The following MSRB2 variants were observed in gnomAD, a reference collection of about 807,000 sequenced individuals.
MSRB2 encodes methionine-R-sulfoxide reductase B2, mitochondrial.
In MSRB2, 17 loss-of-function variants were observed where a neutral mutation model predicts 19.0. The observed-to-expected ratio is 0.89, with a 90% CI of 0.61 to 1.34. MSRB2 has a LOEUF of 1.34. Ranked by LOEUF, MSRB2 falls within the 40% of genes most tolerant of loss-of-function variation. The pLI, the probability that MSRB2 is intolerant of heterozygous loss-of-function variation, is 0.00. For synonymous variants in MSRB2, 107 were observed against 99.7 expected (o/e 1.07, Z -0.44); for missense variants, 208 against 237.6 (o/e 0.88, Z 0.82).
intron 3 of MSRB2, among the ~76,000 whole-genome samples, chr10:23,116,446 C>A: frequency 6.6e-6 from 1 of 152,146 alleles, no homozygotes; most frequent in East Asian, 1.9e-4. Context: ...ATGGTCCTGA[C>A]ATACACATAT....
Position 23,095,635 on chromosome 10 carries a change from G to C in MSRB2, c.27G>C (p.Arg9=). The C allele has an allele frequency of 6.8e-7, 1 of 1,464,592 alleles. No homozygotes were observed. The highest frequency in any genetic ancestry group is 9.0e-7 in the Non-Finnish European group (1 of 1,114,478). The allele number at this position is 1,464,592 out of a possible 1,614,324, so 90.7% of individuals were successfully genotyped here. Residue 9 remains arginine (R), a synonymous_variant, in exon 1 of 5, where the codon CGG becomes CGC. Transcript: ENST00000376510. The stretch of plus-strand genomic sequence containing the variant: ...TGGCGCGGCTCCTCTGGTTGCTCCG[G>C]GGCCTGACCCTCGGAACTGCGCCTC... MARLLWLL[R]GLTLGTAPRR...
At chr10:23,096,783 G>A (rs1209967035) in intron 1 of MSRB2, among the ~76,000 whole-genome samples, 3 of 152,208 alleles carry the variant, frequency 2.0e-5, no homozygotes, top group African/African-American at 7.2e-5. Flanking sequence ...GACATTTGCT[G>A]TGAGCCTACT....
intron 3 of MSRB2, among the ~76,000 whole-genome samples, chr10:23,115,375 T>C (rs1192379628): frequency 6.6e-6 from 1 of 152,246 alleles, no homozygotes; most frequent in African/African-American, 2.4e-5. Flanking sequence ...AAACAGAGCC[T>C]GATACTAGTT....
intron 3 of MSRB2, among the ~76,000 whole-genome samples, chr10:23,115,103 T>G (rs562033527): frequency 1.3e-5 from 2 of 152,296 alleles, no homozygotes; most frequent in South Asian, 4.1e-4. Context: ...TGCACAGTTT[T>G]GGAGAGCTTC....
chr10:23,119,604 G>GT (rs1167318774), intron 4 of MSRB2, among the ~76,000 whole-genome samples, 153 bp downstream of exon 4: 1 of 151,706 alleles, frequency 6.6e-6, no homozygotes. Flanking sequence ...GCTTTGTTTT[G>GT]TTTTGTTTTG....
chr10:23,109,675 G>A (rs541753986), intron 2 of MSRB2, among the ~76,000 whole-genome samples: 5 of 152,228 alleles, frequency 3.3e-5, no homozygotes, highest in East Asian at 1.9e-4. Flanking sequence ...CACAATGAAC[G>A]CAGTAATTTC....
intron 2 of MSRB2, among the ~76,000 whole-genome samples, chr10:23,106,331 C>T (rs1356909466): frequency 6.6e-6 from 1 of 152,164 alleles, no homozygotes; most frequent in African/African-American, 2.4e-5. Context: ...TTAAAATTCC[C>T]TCCCGCATGT....
At chr10:23,116,675 C>T (rs763029938) in intron 3 of MSRB2, among the ~76,000 whole-genome samples, 5 of 152,124 alleles carry the variant, frequency 3.3e-5, no homozygotes, top group Admixed American at 6.5e-5. Flanking sequence ...GCTGTAGTTA[C>T]GGCTGGTGGA....
At chr10:23,097,744 A>T (rs1018300609) in intron 1 of MSRB2, among the ~76,000 whole-genome samples, 4 of 152,216 alleles carry the variant, frequency 2.6e-5, no homozygotes, top group African/African-American at 9.7e-5. Flanking sequence ...GGGTTGTTGT[A>T]AAGAATAACT....
At chr10:23,101,659 TG>T (rs1839927712) in intron 1 of MSRB2, among the ~76,000 whole-genome samples, 1 of 152,130 alleles carries the variant, frequency 6.6e-6, no homozygotes, top group African/African-American at 2.4e-5. Flanking sequence ...TGCAGAGAAA[TG>T]GGAAGAGAGC....
At position 23,103,863 on chromosome 10, in the gene MSRB2, C is replaced by T. The variant is rs776942872; in HGVS notation, c.119-281C>T. On this transcript the variant is annotated intron_variant, in intron 1 of 4. Coordinates refer to ENST00000376510, the MANE Select transcript of MSRB2 (RefSeq NM_012228.4). ...TTAGGTACCCGAAGGGAATGTATTC[C>T]GCATTCTTTCATATTTCAGCTGCCT... is the stretch of plus-strand genomic sequence containing the variant. Among the ~76,000 whole-genome samples the T allele has an allele frequency of 9.2e-5, 14 of 152,098 alleles. No individual in the cohort carries two copies. The East Asian group carries it at 2.1e-3, about 23-fold the overall frequency.
intron 3 of MSRB2, among the ~76,000 whole-genome samples, chr10:23,115,395 C>T (rs1476678453): frequency 3.9e-5 from 6 of 152,172 alleles, no homozygotes; most frequent in Non-Finnish European, 7.3e-5. Context: ...TCACCTTTTA[C>T]GTAATATCCT....
intron 1 of MSRB2, among the ~76,000 whole-genome samples, chr10:23,102,457 C>T (rs1302976966): frequency 6.6e-6 from 1 of 152,008 alleles, no homozygotes; most frequent in Non-Finnish European, 1.5e-5. Context: ...TAGTTGTGGA[C>T]AGTCCTTCTT....
At chr10:23,102,011 T>C (rs1768592173) in intron 1 of MSRB2, among the ~76,000 whole-genome samples, 1 of 152,166 alleles carries the variant, frequency 6.6e-6, no homozygotes, top group Admixed American at 6.5e-5. Context: ...CCTTGTAGAA[T>C]GTCCCTCAGT....
rs1476247879 is a variant in MSRB2, at chr10:23,121,089, T to C, written c.*227T>C. On this transcript the variant is annotated 3_prime_UTR_variant, in exon 5 of 5. Transcript: ENST00000376510. The stretch of plus-strand genomic sequence containing the variant: ...AGTACCTGATCAGGATCTGGGAGAA[T>C]TTGAAAAAAAAAGAAAAACTAGAAA... 1 of 411,924 alleles carries C rather than the reference T, an allele frequency of 2.4e-6. No individual in the cohort carries two copies. Among genetic ancestry groups the C allele is most frequent in the African/African-American group, 2.1e-5 (1 of 48,404 alleles). The allele number at this position is 411,924 out of a possible 1,614,324, so 25.5% of individuals were successfully genotyped here.
chr10:23,120,772 A>G lies in MSRB2; in HGVS notation c.459A>G (p.Leu153=). The G allele has an allele frequency of 6.2e-7, 1 of 1,613,956 alleles. No individual in the cohort carries two copies. The highest frequency in any genetic ancestry group is 8.5e-7 in the Non-Finnish European group (1 of 1,179,884). ...EVVCKQCEAH[L]GHVFPDGPGP... ...GTCCTTTGCAGTGTGAAGCTCATCT[A>G]GGTCACGTGTTTCCTGATGGACCTG... The change falls in exon 5 of 5, where the codon CTA becomes CTG. Residue 153 remains leucine (L), a synonymous_variant. Coordinates refer to ENST00000376510, the MANE Select transcript of MSRB2 (RefSeq NM_012228.4).
At position 23,110,250 on chromosome 10, in the gene MSRB2, T is replaced by C; in HGVS notation, c.228T>C (p.Ser76=). 6.2e-7 allele frequency: 1 copy of C among 1,613,310 alleles called. No individual in the cohort carries two copies. Among genetic ancestry groups the C allele is most frequent in the Admixed American group, 1.7e-5 (1 of 59,978 alleles). Residue 76 remains serine (S), a synonymous_variant, in exon 3 of 5, where the codon AGT becomes AGC. Coordinates refer to ENST00000376510, the MANE Select transcript of MSRB2 (RefSeq NM_012228.4). The part of the protein sequence containing the change: ...TREKGTEPPF[S]GIYLNNKEAG... Reference sequence around the variant, plus strand: ...ATCTAATTTACTTTCAGCCTTTCAGTGGGATCTACCTGAATAACAAGGAAG... The same window carrying C: ...ATCTAATTTACTTTCAGCCTTTCAGCGGGATCTACCTGAATAACAAGGAAG...
At chr10:23,104,337 C>T in intron 2 of MSRB2, 93 bp downstream of exon 2, 1 of 916,752 alleles carries the variant, frequency 1.1e-6, no homozygotes, top group Non-Finnish European at 1.7e-6. Flanking sequence ...AGCTGCCCAG[C>T]AACACTCCAC....
chr10:23,119,595 C>CTTTGTTTTGT (rs367774870), intron 4 of MSRB2, 144 bp downstream of exon 4: 4 of 1,070,722 alleles, frequency 3.7e-6, no homozygotes, highest in South Asian at 1.7e-5. Context: ...TTTTGTTTTG[C>CTTTGTTTTGT]TTTGTTTTGT....
Sources: allele counts gnomAD v4.1 joint callset (sites outside exome capture counted in the v4.1 genomes callset), GRCh38; gene constraint gnomAD v4.1.1; transcripts MANE v1.5; gene names NCBI Gene and HGNC (gene_info 2026-07-23, HGNC 2026-07-21).